Variants in MICU3 observed in about 807,000 individuals in gnomAD.
MICU3 encodes the protein calcium uptake protein 3, mitochondrial.
A neutral mutation model predicts 66.5 loss-of-function variants in MICU3; 62 were observed. The observed-to-expected ratio is 0.93, with a 90% confidence interval of 0.76 to 1.15. The LOEUF is 1.15. Among genes scored for constraint, MICU3 ranks in the 50% most tolerant of loss-of-function variants. MICU3 has a pLI of 0.00. For missense variants in MICU3, 779 were observed against 664.4 expected, an observed-to-expected ratio of 1.17 and a Z score of -1.90; for synonymous variants, 308 against 240.7, an observed-to-expected ratio of 1.28 and a Z score of -2.59.
rs577938687 is a variant in MICU3 at position 17,122,359 on chromosome 8, G to C, written c.*2072G>C. ...TATATCAATTTAAAATTTGCTAGTG[G>C]TTTGAAAATAATAATGTACTGACTA... On this transcript the variant is annotated 3_prime_UTR_variant, in exon 15 of 15. Coordinates refer to ENST00000318063, the MANE Select transcript of MICU3 (RefSeq NM_181723.3). The C allele has an allele frequency of 6.6e-6, 1 of 151,946 alleles. No individual in the cohort carries two copies. Among genetic ancestry groups the C allele is most frequent in the African/African-American group, 2.4e-5 (1 of 41,546 alleles). 9.4% of individuals were successfully genotyped at this position (151,946 alleles called of 1,614,324 possible).
intron 11 of MICU3, among the ~76,000 whole-genome samples, chr8:17,108,695 C>A (rs2150820771): frequency 6.6e-6 from 1 of 152,306 alleles, no homozygotes. Context: ...AATTTCCCCC[C>A]AGATCATCCT....
intron 13 of MICU3, among the ~76,000 whole-genome samples, chr8:17,117,780 T>C (rs1802824455): frequency 6.6e-6 from 1 of 152,140 alleles, no homozygotes; most frequent in Middle Eastern, 3.2e-3. Context: ...GGGTAATTTT[T>C]TGTATTTTTA....
intron 5 of MICU3, among the ~76,000 whole-genome samples, chr8:17,083,605 T>A (rs143323177): frequency 1.3e-5 from 2 of 152,236 alleles, no homozygotes; most frequent in Admixed American, 1.3e-4. Flanking sequence ...TTTCACTGTC[T>A]CCATTATAAT....
At chr8:17,062,689 A>T (rs1463370483) in intron 1 of MICU3, among the ~76,000 whole-genome samples, 1 of 152,118 alleles carries the variant, frequency 6.6e-6, no homozygotes, top group South Asian at 2.1e-4. Flanking sequence ...GTTACTGATA[A>T]TCATGTAAAT....
chr8:17,085,267 C>T lies in MICU3; in HGVS notation c.726C>T (p.Asn242=). 1 of 1,611,360 alleles carries T rather than the reference C, an allele frequency of 6.2e-7. No homozygotes were observed. The highest frequency in any genetic ancestry group is 8.5e-7 in the Non-Finnish European group (1 of 1,178,434). ...KPHAGFRIAF[N]MFDTDGNEMV... is the part of the protein sequence containing the mutation. ...ATGCAGGGTTCAGAATAGCTTTCAA[C>T]ATGTTTGACACTGATGGCAATGAGA... The change falls in exon 6 of 15, where the codon AAC becomes AAT. Residue 242 remains asparagine, a synonymous_variant. Transcript: ENST00000318063.
chr8:17,060,602 A>G lies in MICU3; in HGVS notation c.382-3482A>G, dbSNP rs143565366. 5.2e-3 allele frequency among the ~76,000 whole-genome samples: 794 copies of G among 152,160 alleles called. 6 individuals are homozygous for G. The highest frequency in any genetic ancestry group is 0.018 in the African/African-American group (756 of 41,526). ...GCTGGGATTACGGGCATGAGCCACT[A>G]CGCCTGGCCATTACTTACATTTAAC... On this transcript the variant is annotated intron_variant, in intron 1 of 14. Transcript: ENST00000318063.
Position 17,027,779 on chromosome 8 carries a change from C to T in MICU3, c.381+119C>T, listed in dbSNP as rs76461250. The T allele has an allele frequency of 1.6e-3, 1,926 of 1,190,496 alleles. 25 individuals carry two copies. The African/African-American group carries it at 0.028, about 17-fold the overall frequency. 73.7% of individuals were successfully genotyped at this position (1,190,496 alleles called of 1,614,324 possible). ...CTGTGGCCGCGGGTGAGGAACTTCC[C>T]GTGAGCGAGGCTGACACCTAGGCCG... On this transcript the variant is annotated intron_variant, in intron 1 of 14. Transcript: ENST00000318063.
At chr8:17,097,808 TC>T (rs1182321603) in intron 8 of MICU3, among the ~76,000 whole-genome samples, 1 of 151,738 alleles carries the variant, frequency 6.6e-6, no homozygotes, top group Non-Finnish European at 1.5e-5. Flanking sequence ...AATCTACACT[TC>T]CTGATATCTC....
chr8:17,057,491 T>A (rs1817127916), intron 1 of MICU3, among the ~76,000 whole-genome samples: 1 of 152,226 alleles, frequency 6.6e-6, no homozygotes, highest in East Asian at 1.9e-4. Context: ...ATTTAATCTC[T>A]AAGAATTTTT....
rs184127341 is a variant in MICU3 at position 17,108,260 on chromosome 8, A to C, written c.1257+2676A>C. 1.4e-3 allele frequency among the ~76,000 whole-genome samples: 212 copies of C among 152,240 alleles called. 2 individuals are homozygous for C. The highest frequency in any genetic ancestry group is 1.9e-3 in the Non-Finnish European group (128 of 67,996). ...ATCTCAATGAAAAATTAAGCAGGCA[A>C]GTTGGATATGTGAATCTAGCGGTCA... On this transcript the variant is annotated intron_variant, in intron 11 of 14. Transcript: ENST00000318063.
chr8:17,033,090 G>C (rs1423437757), intron 1 of MICU3, among the ~76,000 whole-genome samples: 3 of 152,044 alleles, frequency 2.0e-5, no homozygotes, highest in Admixed American at 6.6e-5. Context: ...CTGAAATTAG[G>C]TCAGTTACTA....
At chr8:17,075,946 G>T (rs962482854) in intron 3 of MICU3, among the ~76,000 whole-genome samples, 1 of 152,110 alleles carries the variant, frequency 6.6e-6, no homozygotes, top group Non-Finnish European at 1.5e-5. Context: ...AATGGAGAAA[G>T]ATTAGTTAAT....
intron 3 of MICU3, among the ~76,000 whole-genome samples, chr8:17,075,797 T>C (rs1183990700): frequency 1.3e-5 from 2 of 152,266 alleles, no homozygotes; most frequent in South Asian, 4.1e-4. Flanking sequence ...AGGATTGTTT[T>C]TAGAATGAAG....
At chr8:17,109,571 A>C (rs1802021850) in intron 11 of MICU3, among the ~76,000 whole-genome samples, 1 of 152,178 alleles carries the variant, frequency 6.6e-6, no homozygotes, top group African/African-American at 2.4e-5. Flanking sequence ...GGCATGATTT[A>C]GAGCCGTTTG....
chr8:17,124,181 T>A (rs1248018170), downstream of MICU3, among the ~76,000 whole-genome samples: 1 of 152,168 alleles, frequency 6.6e-6, no homozygotes. Flanking sequence ...CACAGACATG[T>A]TTCCCCTCCA....
chr8:17,036,155 G>A (rs540920185), intron 1 of MICU3, among the ~76,000 whole-genome samples: 212 of 152,120 alleles, frequency 1.4e-3, no homozygotes, highest in African/African-American at 4.7e-3. Context: ...TCGTGGTCTC[G>A]CTGGCTCAAG....
chr8:17,038,327 A>G (rs1203241213), intron 1 of MICU3, among the ~76,000 whole-genome samples: 1 of 152,118 alleles, frequency 6.6e-6, no homozygotes, highest in Non-Finnish European at 1.5e-5. Flanking sequence ...ATGATGTTGA[A>G]TAAGTCTCAC....
chr8:17,059,644 T>C (rs1251844326), intron 1 of MICU3, among the ~76,000 whole-genome samples: 1 of 152,130 alleles, frequency 6.6e-6, no homozygotes, highest in African/African-American at 2.4e-5. Flanking sequence ...AATAAGATAG[T>C]TGGATATGAA....
At chr8:17,085,145 A>T (rs1273537538) in intron 5 of MICU3, 91 bp from the exon 6 acceptor site, 2 of 777,840 alleles carry the variant, frequency 2.6e-6, no homozygotes, top group African/African-American at 1.7e-5. Context: ...TAACCAATAC[A>T]GAATATGAGT....
Sources: gnomAD v4.1 joint callset for allele counts (sites outside exome capture counted in the v4.1 genomes callset) on GRCh38, gnomAD v4.1.1 for gene constraint, MANE v1.5 for transcripts, NCBI Gene and HGNC (gene_info 2026-07-23, HGNC 2026-07-21) for gene names.